The following LARGE1 variants were observed in gnomAD, a reference collection of about 807,000 sequenced individuals.
LARGE1 encodes xylosyl- and glucuronyltransferase LARGE1.
A neutral mutation model predicts 87.6 loss-of-function variants in LARGE1; 43 were observed. The observed-to-expected ratio is 0.49, with a 90% CI of 0.38 to 0.63. LARGE1 has a LOEUF of 0.63. LARGE1 is among the 30% of genes least tolerant of loss of function. The pLI, the probability that LARGE1 is intolerant of heterozygous loss-of-function variation, is 0.00. For missense variants in LARGE1, 802 were observed against 1,000.2 expected (o/e 0.80, Z 2.67); for synonymous variants, 434 against 394.6 (o/e 1.10, Z -1.18).
At chr22:33,446,611 G>C (rs535141982) in intron 6 of LARGE1, among the ~76,000 whole-genome samples, 23 of 152,318 alleles carry the variant, frequency 1.5e-4, no homozygotes, top group African/African-American at 5.3e-4. Context: ...AGGGACTCAA[G>C]GTCAATGTGG....
intron 6 of LARGE1, among the ~76,000 whole-genome samples, chr22:33,496,373 C>CGGTGAGTG: frequency 6.6e-6 from 1 of 152,244 alleles, no homozygotes; most frequent in Non-Finnish European, 1.5e-5. Context: ...TTAACCATCA[C>CGGTGAGTG]GGTGAGTGAT....
intron 6 of LARGE1, among the ~76,000 whole-genome samples, chr22:33,485,386 G>A (rs1325555390): frequency 6.6e-6 from 1 of 151,796 alleles, no homozygotes; most frequent in East Asian, 1.9e-4. Flanking sequence ...GCTAATTTTT[G>A]TATTTTTAGT....
intron 10 of LARGE1, among the ~76,000 whole-genome samples, chr22:33,336,955 G>A (rs1234935772): frequency 6.6e-6 from 1 of 151,936 alleles, no homozygotes; most frequent in Non-Finnish European, 1.5e-5. Flanking sequence ...CAATTACTTG[G>A]GAGGCTGAGG....
intron 6 of LARGE1, among the ~76,000 whole-genome samples, chr22:33,509,457 A>G (rs549934017): frequency 1.3e-5 from 2 of 149,534 alleles, no homozygotes; most frequent in African/African-American, 4.9e-5. Context: ...AGGGATTTTT[A>G]TTTTTTTTTT....
intron 11 of LARGE1, among the ~76,000 whole-genome samples, chr22:33,253,637 G>A (rs1367983300): frequency 3.3e-5 from 5 of 152,292 alleles, no homozygotes; most frequent in Middle Eastern, 3.4e-3. Context: ...GCTTGAACCC[G>A]GAAGGTGGAG....
At chr22:33,672,241 G>A (rs988578677) in intron 2 of LARGE1, among the ~76,000 whole-genome samples, 4 of 152,126 alleles carry the variant, frequency 2.6e-5, no homozygotes, top group Non-Finnish European at 5.9e-5. Flanking sequence ...GACAGAAAAT[G>A]GTCAGAGGAC....
intron 7 of LARGE1, among the ~76,000 whole-genome samples, chr22:33,430,051 T>C (rs911197024): frequency 1.3e-5 from 2 of 152,188 alleles, no homozygotes; most frequent in East Asian, 3.9e-4. Context: ...AATCAGACTC[T>C]TGAAGGGCAG....
At chr22:33,471,864 A>G (rs1035975460) in intron 6 of LARGE1, among the ~76,000 whole-genome samples, 1 of 152,146 alleles carries the variant, frequency 6.6e-6, no homozygotes, top group Non-Finnish European at 1.5e-5. Context: ...AGCCTGGCCA[A>G]TATGGTGAAA....
intron 6 of LARGE1, among the ~76,000 whole-genome samples, chr22:33,436,003 C>G (rs1014034986): frequency 6.6e-6 from 1 of 152,200 alleles, no homozygotes; most frequent in African/African-American, 2.4e-5. Flanking sequence ...GTTGCTTAGC[C>G]TCTCAACGGT....
intron 6 of LARGE1, among the ~76,000 whole-genome samples, chr22:33,475,424 A>ATTTATT (rs2069030502): frequency 5.9e-5 from 8 of 135,260 alleles, no homozygotes; most frequent in Admixed American, 1.5e-4. Flanking sequence ...TCAGTGAGTC[A>ATTTATT]TATTTATTTA....
intron 2 of LARGE1, among the ~76,000 whole-genome samples, chr22:33,662,666 A>G (rs2081163398): frequency 6.6e-6 from 1 of 152,220 alleles, no homozygotes; most frequent in Non-Finnish European, 1.5e-5. Context: ...TACTTGTTAA[A>G]GTTAGCAGTG....
At chr22:33,693,651 C>T (rs1009211724) in intron 2 of LARGE1, among the ~76,000 whole-genome samples, 7 of 152,040 alleles carry the variant, frequency 4.6e-5, no homozygotes, top group Admixed American at 6.5e-5. Flanking sequence ...GGTGAAACCC[C>T]GTCTCTACTA....
At chr22:33,344,639 TGA>T (rs1491550320) in intron 9 of LARGE1, among the ~76,000 whole-genome samples, 6 of 152,160 alleles carry the variant, frequency 3.9e-5, no homozygotes, top group African/African-American at 1.4e-4. Flanking sequence ...TCTGTGTTGC[TGA>T]TATATATATA....
intron 4 of LARGE1, among the ~76,000 whole-genome samples, chr22:33,625,352 T>C (rs1025917987): frequency 2.0e-5 from 3 of 152,142 alleles, no homozygotes; most frequent in African/African-American, 7.2e-5. Context: ...CAGAAGCCAA[T>C]GCTGGAAGTG....
chr22:33,453,178 A>G (rs1362495295), intron 6 of LARGE1, among the ~76,000 whole-genome samples: 1 of 152,198 alleles, frequency 6.6e-6, no homozygotes, highest in Non-Finnish European at 1.5e-5. Context: ...GCACTTTGGG[A>G]GGCCGAGGCG....
At chr22:33,259,501 C>T (rs530677651) in intron 11 of LARGE1, among the ~76,000 whole-genome samples, 2 of 152,086 alleles carry the variant, frequency 1.3e-5, no homozygotes, top group South Asian at 2.1e-4. Context: ...GTGCACAGTA[C>T]GCGTGTGTGC....
At chr22:33,871,073 C>T (rs990378605) in intron 1 of LARGE1, among the ~76,000 whole-genome samples, 1 of 152,208 alleles carries the variant, frequency 6.6e-6, no homozygotes, top group Admixed American at 6.5e-5. Context: ...TCTTTTAAAA[C>T]TTTGTATTCC....
At chr22:33,239,385 T>C (rs1341264200) in intron 11 of LARGE1, among the ~76,000 whole-genome samples, 2 of 152,190 alleles carry the variant, frequency 1.3e-5, no homozygotes, top group Admixed American at 6.5e-5. Context: ...TTTGTTGTTG[T>C]TGTTTGAAAC....
chr22:33,182,717 C>A (rs1174179267), intron 11 of LARGE1, among the ~76,000 whole-genome samples: 1 of 152,164 alleles, frequency 6.6e-6, no homozygotes, highest in East Asian at 1.9e-4. Context: ...AGTGAGGGAA[C>A]AACAGTTTCT....
Sources: gnomAD v4.1 joint callset for allele counts (sites outside exome capture counted in the v4.1 genomes callset) on GRCh38, gnomAD v4.1.1 for gene constraint, MANE v1.5 for transcripts, NCBI Gene and HGNC (gene_info 2026-07-23, HGNC 2026-07-21) for gene names.